TPP2: variants seen among roughly 807,000 people sequenced by gnomAD.
The protein encoded by TPP2 is tripeptidyl peptidase 2.
A neutral mutation model predicts 155.9 loss-of-function variants in TPP2; 34 were observed. The ratio of observed to expected loss-of-function variants is 0.22; its 90% confidence interval spans 0.17 to 0.29. The LOEUF (loss-of-function observed/expected upper bound fraction) is 0.29. Among genes scored for constraint, TPP2 ranks in the 10% least tolerant of loss-of-function variants. TPP2 has a pLI of 1.00. For synonymous variants in TPP2, 510 were observed against 529.4 expected (o/e 0.96, Z 0.50); for missense variants, 1,028 against 1,522.3 (o/e 0.68, Z 5.40).
intron 10 of TPP2, among the ~76,000 whole-genome samples, chr13:102,630,903 C>A (rs1881971006): frequency 6.6e-6 from 1 of 152,096 alleles, no homozygotes; most frequent in Non-Finnish European, 1.5e-5. Flanking sequence ...TACCTTAGTG[C>A]CTACAGTGGG....
At chr13:102,624,876 T>A (rs1437889470) in intron 6 of TPP2, among the ~76,000 whole-genome samples, 1 of 90,756 alleles carries the variant, frequency 1.1e-5, no homozygotes, top group Non-Finnish European at 2.1e-5. Flanking sequence ...TTTTTTTTTT[T>A]GAGACAGAGT....
At chr13:102,674,861 T>A (rs1452361551) in intron 28 of TPP2, among the ~76,000 whole-genome samples, 1 of 152,204 alleles carries the variant, frequency 6.6e-6, no homozygotes, top group Non-Finnish European at 1.5e-5. Flanking sequence ...GGGGGCAGGT[T>A]GAGGAGACAT....
Position 102,614,181 on chromosome 13 carries a change from C to T in TPP2, c.375C>T (p.Leu125=), listed in dbSNP as rs1255347882. 21 of 1,612,174 alleles carry T rather than the reference C, an allele frequency of 1.3e-5. No homozygotes were observed. Among genetic ancestry groups the T allele is most frequent in the African/African-American group, 2.7e-5 (2 of 74,806 alleles). The stretch of plus-strand genomic sequence containing the variant: ...GCTATGACTTCTATCCTAAGGCACT[C>T]AAGGAAAGGATACAGGTAATGTACA... ...KNGYDFYPKA[L]KERIQKERKE... is the part of the protein sequence containing the mutation. The change falls in exon 3 of 30, where the codon CTC becomes CTT. Residue 125 remains leucine (L), a synonymous_variant. Transcript: ENST00000376052.
chr13:102,674,875 G>A (rs192548722), intron 28 of TPP2, among the ~76,000 whole-genome samples: 1 of 152,170 alleles, frequency 6.6e-6, no homozygotes, highest in Admixed American at 6.5e-5. Flanking sequence ...GAGACATACT[G>A]GTTAGTTGTT....
Position 102,638,140 on chromosome 13 carries a change from T to A in TPP2, c.1837-99T>A. On this transcript the variant is annotated intron_variant, in intron 14 of 29. Coordinates refer to ENST00000376052, the MANE Select transcript of TPP2 (RefSeq NM_001330588.2). ...GTCAACCTCTGGTTAAGACCTTGAT[T>A]AAAAGTAGATTGATTTATTCTGTCA... The A allele has an allele frequency of 4.3e-6, 5 of 1,171,518 alleles. No individual in the cohort carries two copies. In the South Asian group the frequency reaches 6.4e-5, roughly 15 times the overall value. The allele number at this position is 1,171,518 out of a possible 1,614,324, so 72.6% of individuals were successfully genotyped here.
Position 102,671,269 on chromosome 13 carries a change from A to T in TPP2, c.3372-3014A>T, listed in dbSNP as rs543549719. ...CCTCATAGGTTGCAAATTAGCATTGATAGCCCGTAAGTCATGCAAAAGTCT... is the reference window on the plus strand; with the variant it reads ...CCTCATAGGTTGCAAATTAGCATTGTTAGCCCGTAAGTCATGCAAAAGTCT... On this transcript the variant is annotated intron_variant, in intron 27 of 29. Coordinates refer to ENST00000376052, the MANE Select transcript of TPP2 (RefSeq NM_001330588.2). 5.3e-5 allele frequency among the ~76,000 whole-genome samples: 8 copies of T among 152,314 alleles called. No homozygotes were observed. In the South Asian group the frequency reaches 1.7e-3, roughly 32 times the overall value.
At chr13:102,646,765 A>T (rs971470322) in intron 20 of TPP2, among the ~76,000 whole-genome samples, 13 of 152,228 alleles carry the variant, frequency 8.5e-5, no homozygotes, top group Non-Finnish European at 1.5e-4. Flanking sequence ...GAAAGGTCAG[A>T]GTAGCTCCCA....
rs1883334395 is a variant in TPP2 at position 102,649,170 on chromosome 13, T to G, written c.2873+19T>G. 1.3e-6 allele frequency: 2 copies of G among 1,585,442 alleles called. No homozygotes were observed. The highest frequency in any genetic ancestry group is 1.7e-6 in the Non-Finnish European group (2 of 1,167,074). ...ATGATAAGTAAGTGATAACATTGCT[T>G]ATACTTACTGCCCATCGTATACACT... is the stretch of plus-strand genomic sequence containing the variant. On this transcript the variant is annotated intron_variant, in intron 22 of 29. Transcript: ENST00000376052.
intron 10 of TPP2, among the ~76,000 whole-genome samples, chr13:102,630,804 A>G (rs1409675448): frequency 1.3e-5 from 2 of 152,248 alleles, no homozygotes; most frequent in African/African-American, 4.8e-5. Context: ...CAGCGGGTAC[A>G]TGCACCTTCT....
At chr13:102,600,973 C>T (rs530393345) in intron 1 of TPP2, among the ~76,000 whole-genome samples, 2 of 152,096 alleles carry the variant, frequency 1.3e-5, no homozygotes, top group Admixed American at 1.3e-4. Context: ...TCATTTCAGC[C>T]TCAAACTCCT....
chr13:102,615,708 C>G (rs1054827366), intron 3 of TPP2, among the ~76,000 whole-genome samples: 2 of 152,158 alleles, frequency 1.3e-5, no homozygotes, highest in South Asian at 4.1e-4. Context: ...TACTCTAGTC[C>G]TCTGCGTACA....
At chr13:102,642,136 T>C (rs1882809729) in intron 16 of TPP2, among the ~76,000 whole-genome samples, 1 of 152,144 alleles carries the variant, frequency 6.6e-6, no homozygotes, top group African/African-American at 2.4e-5. Flanking sequence ...TAGTCGTTAG[T>C]CTGTTGTAAG....
At chr13:102,623,659 A>G (rs892140516) in intron 6 of TPP2, among the ~76,000 whole-genome samples, 2 of 152,246 alleles carry the variant, frequency 1.3e-5, no homozygotes, top group Non-Finnish European at 2.9e-5. Context: ...AGAGAATCAG[A>G]TAAAAGAATC....
chr13:102,609,871 C>G (rs954350808), intron 2 of TPP2, among the ~76,000 whole-genome samples: 63 of 152,074 alleles, frequency 4.1e-4, no homozygotes, highest in Middle Eastern at 3.2e-3. Flanking sequence ...ATCACCTGTT[C>G]TTTGCTTTGT....
intron 2 of TPP2, among the ~76,000 whole-genome samples, chr13:102,613,116 C>A (rs1880448644): frequency 6.6e-6 from 1 of 152,140 alleles, no homozygotes; most frequent in South Asian, 2.1e-4. Flanking sequence ...TGTATGCCAG[C>A]GTGTTTGAAA....
rs200175033 is a variant in TPP2 at position 102,618,769 on chromosome 13, A to G, written c.543A>G (p.Leu181=). The G allele has an allele frequency of 8.1e-5, 130 of 1,613,892 alleles. No individual in the cohort carries two copies. The highest frequency in any genetic ancestry group is 9.3e-5 in the Non-Finnish European group (110 of 1,179,902). Residue 181 remains leucine, a synonymous_variant, in exon 5 of 30, where the codon CTA becomes CTG. Coordinates refer to ENST00000376052, the MANE Select transcript of TPP2 (RefSeq NM_001330588.2). ...KEELQSQVEL[L]NSFEKKYSDP... is the part of the protein sequence containing the mutation. ...AACTTCAAAGTCAAGTGGAATTGCT[A>G]AATTCTTTTGAGAAGAAATACAGCG...
rs777207433 is a variant in TPP2, at chr13:102,627,051, A to G, written c.824A>G (p.His275Arg). 6.3e-7 allele frequency: 1 copy of G among 1,598,234 alleles called. No homozygotes were observed. Among genetic ancestry groups the G allele is most frequent in the South Asian group, 1.1e-5 (1 of 88,454 alleles). Residue 275 changes from histidine (H) to arginine (R), a missense_variant, in exon 7 of 30, where the codon CAC becomes CGC. Around this residue, in one of 7 missense-constraint regions of TPP2, gnomAD observed 300 missense variants for 398.3 expected, o/e 0.75. Coordinates refer to ENST00000376052, the MANE Select transcript of TPP2 (RefSeq NM_001330588.2). ...GTHVASIAAGHFPEEPERNGV... is the reference protein window; with the variant it reads ...GTHVASIAAGRFPEEPERNGV... ...CATGTAGCTAGTATAGCTGCTGGAC[A>G]CTTTCCAGAAGAACCTGAACGGAAT...
Position 102,679,147 on chromosome 13 carries a change from A to G in TPP2, c.*831A>G, listed in dbSNP as rs902063891. ...GTACCTTAATTTTTTTTTATAAATA[A>G]TAAAAGTGAATATTGAAGCTTCTTA... On this transcript the variant is annotated 3_prime_UTR_variant, in exon 30 of 30. Transcript: ENST00000376052. 4 of 152,610 alleles carry G rather than the reference A, an allele frequency of 2.6e-5. No homozygotes were observed. Among genetic ancestry groups the G allele is most frequent in the Non-Finnish European group, 5.9e-5 (4 of 68,030 alleles). 9.5% of individuals were successfully genotyped at this position (152,610 alleles called of 1,614,324 possible). A position where few individuals can be genotyped will look rare whatever the true frequency, so the allele number is the denominator to read the frequency against.
At chr13:102,614,232 T>A (rs536950742) in intron 3 of TPP2, 36 bp downstream of exon 3, 1 of 1,466,560 alleles carries the variant, frequency 6.8e-7, no homozygotes, top group South Asian at 1.3e-5. Flanking sequence ...GTTGTATTCT[T>A]CTGACTTGTC....
Sources: gnomAD v4.1 joint callset for allele counts (sites outside exome capture counted in the v4.1 genomes callset) on GRCh38, gnomAD v4.1.1 for gene constraint, gnomAD v4.1.1 regional missense constraint, MANE v1.5 for transcripts, NCBI Gene and HGNC (gene_info 2026-07-23, HGNC 2026-07-21) for gene names.